Variants in ARRDC3 observed in about 807,000 individuals in gnomAD.
The protein encoded by ARRDC3 is arrestin domain-containing protein 3.
A neutral mutation model predicts 47.2 loss-of-function variants in ARRDC3; 10 were observed. That is an observed-to-expected ratio of 0.21 (90% CI 0.13 to 0.36). The LOEUF is 0.36. Among genes scored for constraint, ARRDC3 ranks in the 10% least tolerant of loss-of-function variants. The probability of loss-of-function intolerance (pLI) is 1.00; values close to 1 mark genes in which losing one functional copy is unlikely to be tolerated. For missense variants in ARRDC3, 381 were observed against 503.6 expected (o/e 0.76, Z 2.33); for synonymous variants, 156 against 178.3 (o/e 0.87, Z 1.00).
chr5:91,371,855 A>T (rs923718301), intron 7 of ARRDC3, among the ~76,000 whole-genome samples: 1 of 152,200 alleles, frequency 6.6e-6, no homozygotes. Flanking sequence ...CACCCCTTTC[A>T]TCCTTCTACA....
intron 2 of ARRDC3, among the ~76,000 whole-genome samples, chr5:91,377,735 T>C (rs953186678): frequency 2.0e-5 from 3 of 152,042 alleles, no homozygotes; most frequent in Admixed American, 6.5e-5. Flanking sequence ...AGGCCCCATA[T>C]TGGCCTTATT....
In ARRDC3 at chr5:91,370,577, T is replaced by C. The variant is rs1384750941; in HGVS notation, c.*823A>G. 3 of 152,578 alleles carry C rather than the reference T, an allele frequency of 2.0e-5. No homozygotes were observed. Among genetic ancestry groups the C allele is most frequent in the East Asian group, 1.9e-4 (1 of 5,198 alleles). 9.5% of individuals were successfully genotyped at this position (152,578 alleles called of 1,614,324 possible). ...ATGCGTTCACCTGAGATTAAGTGAT[T>C]TTAGGCAGTCAGTAACAAAATGCTG... On this transcript the variant is annotated 3_prime_UTR_variant, in exon 8 of 8. Transcript: ENST00000265138.
chr5:91,382,278 T>C (rs919675422), intron 1 of ARRDC3, among the ~76,000 whole-genome samples: 1 of 152,230 alleles, frequency 6.6e-6, no homozygotes, highest in Non-Finnish European at 1.5e-5. Context: ...GGGGTGTTGA[T>C]ACCATATGTC....
At chr5:91,380,551 G>A (rs1011113362) in intron 1 of ARRDC3, 7 of 152,246 alleles carry the variant, frequency 4.6e-5, no homozygotes, top group Non-Finnish European at 1.0e-4. Context: ...CTTCTTCCTC[G>A]GGCCAGCCTT....
At chr5:91,378,878 C>A in intron 1 of ARRDC3, 103 bp from the exon 2 acceptor site, 1 of 614,692 alleles carries the variant, frequency 1.6e-6, no homozygotes, top group Non-Finnish European at 2.7e-6. Context: ...ATTAAGACCA[C>A]AAAACAAGCT....
rs565479021 is a variant in ARRDC3, at chr5:91,379,528, G to T, written c.281-753C>A. On this transcript the variant is annotated intron_variant, in intron 1 of 7. Coordinates refer to ENST00000265138, the MANE Select transcript of ARRDC3 (RefSeq NM_020801.4). ...ATTTTCCAACATCCTTGAAAAAAATGAAGTCTAACTATTAATAGTTTCCAG... is the reference window on the plus strand; with the variant it reads ...ATTTTCCAACATCCTTGAAAAAAATTAAGTCTAACTATTAATAGTTTCCAG... 5.3e-5 allele frequency among the ~76,000 whole-genome samples: 8 copies of T among 152,106 alleles called. No homozygotes were observed. The South Asian group carries it at 8.3e-4, about 16-fold the overall frequency.
At chr5:91,377,225 C>T (rs1320144190) in intron 2 of ARRDC3, among the ~76,000 whole-genome samples, 1 of 152,198 alleles carries the variant, frequency 6.6e-6, no homozygotes, top group African/African-American at 2.4e-5. Flanking sequence ...TAGCAACTAA[C>T]TAAGGTCTAG....
At position 91,380,774 on chromosome 5, in the gene ARRDC3, C is replaced by CA. The variant is rs1799435513; in HGVS notation, c.281-2000dup. On this transcript the variant is annotated intron_variant, in intron 1 of 7. Coordinates refer to ENST00000265138, the MANE Select transcript of ARRDC3 (RefSeq NM_020801.4). ...TGCTAAAGTTGGGTCCATGGCCATC[C>CA]AGCACCTGTAAGGCCGGCAGGAGCG... 3 of 152,452 alleles carry CA rather than the reference C, an allele frequency of 2.0e-5. 1 individual carries two copies. The South Asian group carries it at 6.2e-4, about 32-fold the overall frequency. The allele number at this position is 152,452 out of a possible 1,614,324, so 9.4% of individuals were successfully genotyped here. A position where few individuals can be genotyped will look rare whatever the true frequency, so the allele number is the denominator to read the frequency against.
intron 1 of ARRDC3, among the ~76,000 whole-genome samples, 153 bp from the exon 2 acceptor site, chr5:91,378,928 C>T (rs115899507): frequency 0.015 from 2,309 of 152,232 alleles, 53 homozygotes; most frequent in African/African-American, 0.052. Context: ...CTAACTTCAT[C>T]ATTTCCTCTG....
At chr5:91,380,323 G>A (rs1258819826) in intron 1 of ARRDC3, 3 of 152,966 alleles carry the variant, frequency 2.0e-5, no homozygotes, top group East Asian at 1.9e-4. Flanking sequence ...CCGGGGGGCG[G>A]GGCGAGCGAG....
chr5:91,378,791 A>G lies in ARRDC3; in HGVS notation c.281-16T>C. 6.7e-7 allele frequency: 1 copy of G among 1,501,710 alleles called. No individual in the cohort carries two copies. The highest frequency in any genetic ancestry group is 9.1e-7 in the Non-Finnish European group (1 of 1,098,628). 93.0% of individuals were successfully genotyped at this position (1,501,710 alleles called of 1,614,324 possible). On this transcript the variant is annotated splice_polypyrimidine_tract_variant and intron_variant, in intron 1 of 7. Transcript: ENST00000265138. The stretch of plus-strand genomic sequence containing the variant: ...TTATCATCATCTAAAACAAACATAA[A>G]AAGAAAACAAAGAATTTATTATTCA...
In ARRDC3 at chr5:91,371,008, GAA is replaced by G. The variant is rs767515801; in HGVS notation, c.*390_*391del. The G allele has an allele frequency of 4.0e-4, 31 of 77,686 alleles. No individual in the cohort carries two copies. Among genetic ancestry groups the G allele is most frequent in the East Asian group, 2.3e-3 (7 of 3,064 alleles). 4.8% of individuals were successfully genotyped at this position (77,686 alleles called of 1,614,324 possible). A position where few individuals can be genotyped will look rare whatever the true frequency, so the allele number is the denominator to read the frequency against. ...GAGTATCAAGAGTCTGGCAAAAATA[GAA>G]AAAAAAAAAAAAAAAAAAAGAAGCT... On this transcript the variant is annotated 3_prime_UTR_variant, in exon 8 of 8. Transcript: ENST00000265138.
chr5:91,371,767 A>G (rs1210747472), intron 7 of ARRDC3, among the ~76,000 whole-genome samples: 4 of 152,204 alleles, frequency 2.6e-5, no homozygotes, highest in African/African-American at 9.6e-5. Flanking sequence ...ACTTTTACTC[A>G]GTACTTTAGT....
rs912030158 is a variant in ARRDC3, at chr5:91,369,995, A to T, written c.*1405T>A. On this transcript the variant is annotated 3_prime_UTR_variant, in exon 8 of 8. Coordinates refer to ENST00000265138, the MANE Select transcript of ARRDC3 (RefSeq NM_020801.4). Reference sequence around the variant, plus strand: ...AAAACAGTATTCTCATTAGAAAAACACAAAAATCCAAAAGATTTATCGCAG... The same window carrying T: ...AAAACAGTATTCTCATTAGAAAAACTCAAAAATCCAAAAGATTTATCGCAG... 6.6e-6 allele frequency: 1 copy of T among 152,232 alleles called. No homozygotes were observed. The highest frequency in any genetic ancestry group is 2.4e-5 in the African/African-American group (1 of 41,454). The allele number at this position is 152,232 out of a possible 1,614,324, so 9.4% of individuals were successfully genotyped here.
rs1799147470 is a variant in ARRDC3 at position 91,370,617 on chromosome 5, T to C, written c.*783A>G. 1 of 152,578 alleles carries C rather than the reference T, an allele frequency of 6.6e-6. No individual in the cohort carries two copies. Among genetic ancestry groups the C allele is most frequent in the Admixed American group, 6.5e-5 (1 of 15,268 alleles). The allele number at this position is 152,578 out of a possible 1,614,324, so 9.5% of individuals were successfully genotyped here. A position where few individuals can be genotyped will look rare whatever the true frequency, so the allele number is the denominator to read the frequency against. ...ACAAAATGCTGCTTTGCTGTAATAG[T>C]AGAAAGGCAACAAATTCTTAAAAGA... On this transcript the variant is annotated 3_prime_UTR_variant, in exon 8 of 8. Coordinates refer to ENST00000265138, the MANE Select transcript of ARRDC3 (RefSeq NM_020801.4).
intron 7 of ARRDC3, among the ~76,000 whole-genome samples, chr5:91,371,823 G>A (rs1384815106): frequency 6.6e-6 from 1 of 152,172 alleles, no homozygotes; most frequent in Non-Finnish European, 1.5e-5. Context: ...TATCTTCATA[G>A]CAATCATCTT....
intron 3 of ARRDC3, 118 bp from the exon 4 acceptor site, chr5:91,375,731 T>C (rs1261122236): frequency 2.5e-5 from 13 of 516,774 alleles, no homozygotes; most frequent in Non-Finnish European, 4.0e-5. Context: ...CTGGTTTTGC[T>C]TTTTTTTTGT....
Position 91,378,386 on chromosome 5 carries a change from G to A in ARRDC3, c.362+308C>T, listed in dbSNP as rs139587935. 2.3e-3 allele frequency among the ~76,000 whole-genome samples: 344 copies of A among 152,132 alleles called. 2 individuals carry two copies. The highest frequency in any genetic ancestry group is 7.9e-3 in the African/African-American group (328 of 41,522). ...ATAATGATAATTGATAATAAACTAA[G>A]TATAAAGTGGTTATTATTCGACTAG... On this transcript the variant is annotated intron_variant, in intron 2 of 7. Coordinates refer to ENST00000265138, the MANE Select transcript of ARRDC3 (RefSeq NM_020801.4).
chr5:91,374,038 T>C, intron 6 of ARRDC3, 76 bp downstream of exon 6: 2 of 1,522,554 alleles, frequency 1.3e-6, no homozygotes, highest in Non-Finnish European at 1.8e-6. Flanking sequence ...TCTAGGGTCA[T>C]AAAATATCAG....
Sources: gnomAD v4.1 joint callset for allele counts (sites outside exome capture counted in the v4.1 genomes callset) on GRCh38, gnomAD v4.1.1 for gene constraint, MANE v1.5 for transcripts, NCBI Gene and HGNC (gene_info 2026-07-23, HGNC 2026-07-21) for gene names.